SHROOM2: variants seen among roughly 807,000 people sequenced by gnomAD.
SHROOM2 encodes the protein protein Shroom2.
SHROOM2 carries 33 observed loss-of-function variants against 75.9 expected under a neutral mutation model. The observed-to-expected ratio is 0.43, with a 90% CI of 0.33 to 0.58. The LOEUF is 0.58. SHROOM2 is among the 20% of genes least tolerant of loss of function. The pLI, the probability that SHROOM2 is intolerant of heterozygous loss-of-function variation, is 0.04. For missense variants in SHROOM2, 1,434 were observed against 1,461.2 expected, an observed-to-expected ratio of 0.98 and a Z score of 0.30; for synonymous variants, 655 against 663.6, an observed-to-expected ratio of 0.99 and a Z score of 0.20.
At position 9,829,795 on chromosome X, in the gene SHROOM2, G is replaced by GC. The variant is rs764772762; in HGVS notation, c.165+43086dup. On this transcript the variant is annotated intron_variant, in intron 1 of 9. Transcript: ENST00000380913. Reference sequence around the variant, plus strand: ...GGTTGCGGCAGAGTGATCTGAACATGCTCATTACGACAGTCTAGTTGGGGT... The same window carrying GC: ...GGTTGCGGCAGAGTGATCTGAACATGCCTCATTACGACAGTCTAGTTGGGGT... 4.5e-5 allele frequency among the ~76,000 whole-genome samples: 5 copies of GC among 111,669 alleles called. No individual in the cohort carries two copies. In the East Asian group the frequency reaches 1.4e-3, roughly 31 times the overall value.
At chrX:9,887,835 A>G (rs1417832045) in intron 2 of SHROOM2, among the ~76,000 whole-genome samples, 1 of 113,039 alleles carries the variant, frequency 8.8e-6, no homozygotes, top group Admixed American at 9.3e-5. Context: ...CCTGCCATGC[A>G]GCTGAGATGG....
chrX:9,899,543 G>A (rs1021087682), intron 5 of SHROOM2, among the ~76,000 whole-genome samples: 2 of 112,013 alleles, frequency 1.8e-5, no homozygotes, highest in Admixed American at 1.9e-4. Context: ...ATGTAATGGG[G>A]TTTTATTTCA....
chrX:9,910,210 CAGA>C (rs1399550669), intron 5 of SHROOM2, among the ~76,000 whole-genome samples: 1 of 110,799 alleles, frequency 9.0e-6, no homozygotes, highest in Non-Finnish European at 1.9e-5. Flanking sequence ...GGTTCAAAGA[CAGA>C]AGGAGAACAT....
intron 1 of SHROOM2, among the ~76,000 whole-genome samples, chrX:9,833,214 C>T (rs968348161): frequency 1.1e-4 from 12 of 111,440 alleles, no homozygotes; most frequent in Non-Finnish European, 2.3e-4. Flanking sequence ...CATTCCGTAA[C>T]GGGAATCTGC....
chrX:9,945,999 G>A (rs1040007628), intron 9 of SHROOM2, among the ~76,000 whole-genome samples: 6 of 112,787 alleles, frequency 5.3e-5, no homozygotes, highest in African/African-American at 1.6e-4. Flanking sequence ...CACGCAGAAC[G>A]CTGTCCTGGC....
intron 1 of SHROOM2, among the ~76,000 whole-genome samples, chrX:9,866,084 A>ATTTTTT (rs773543500): frequency 2.5e-5 from 2 of 78,734 alleles, no homozygotes; most frequent in African/African-American, 5.2e-5. Context: ...GGGGCCAGGA[A>ATTTTTT]TTTTTTTTTT....
rs1384935336 is a variant in SHROOM2 at position 9,824,279 on chromosome X, C to CA, written c.165+37581dup. 2.1e-3 allele frequency among the ~76,000 whole-genome samples: 200 copies of CA among 94,370 alleles called. 2 individuals carry two copies. Among genetic ancestry groups the CA allele is most frequent in the South Asian group, 2.9e-3 (6 of 2,048 alleles). 81.9% of individuals were successfully genotyped at this position (94,370 alleles called of 115,157 possible). A position where few individuals can be genotyped will look rare whatever the true frequency, so the allele number is the denominator to read the frequency against. ...AGAAACCTCGCCTCTACTAAAAATA[C>CA]AAAAAAAAAAAAGCTGGGCGTGGTG... On this transcript the variant is annotated intron_variant, in intron 1 of 9. Transcript: ENST00000380913.
At chrX:9,902,338 C>T (rs1281653041) in intron 5 of SHROOM2, among the ~76,000 whole-genome samples, 1 of 107,763 alleles carries the variant, frequency 9.3e-6, no homozygotes, top group Non-Finnish European at 1.9e-5. Flanking sequence ...TACATGGGTG[C>T]ATGGATGGAT....
chrX:9,875,423 A>G (rs1228473540), intron 2 of SHROOM2, among the ~76,000 whole-genome samples: 1 of 111,306 alleles, frequency 9.0e-6, no homozygotes, highest in Non-Finnish European at 1.9e-5. Flanking sequence ...GGAGTTATAA[A>G]TTGGCTCTGG....
At chrX:9,934,030 C>G (rs2147056043) in intron 6 of SHROOM2, among the ~76,000 whole-genome samples, 1 of 111,496 alleles carries the variant, frequency 9.0e-6, no homozygotes, top group East Asian at 2.8e-4. Context: ...AGGGAGGCCA[C>G]TCAGGGTCTG....
At chrX:9,904,378 C>T (rs2084380444) in intron 5 of SHROOM2, among the ~76,000 whole-genome samples, 1 of 111,457 alleles carries the variant, frequency 9.0e-6, no homozygotes, top group African/African-American at 3.3e-5. Flanking sequence ...CAGTTGCTGC[C>T]CCATGGTTGG....
intron 8 of SHROOM2, among the ~76,000 whole-genome samples, chrX:9,943,971 C>T (rs776531199): frequency 9.1e-6 from 1 of 110,467 alleles, no homozygotes; most frequent in East Asian, 2.8e-4. Context: ...CACCTGAGGT[C>T]AGGAGTTCAA....
chrX:9,797,926 T>C (rs2083703869), intron 1 of SHROOM2, among the ~76,000 whole-genome samples: 1 of 112,260 alleles, frequency 8.9e-6, no homozygotes, highest in Admixed American at 9.5e-5. Context: ...CTGGGAGGGC[T>C]ACACATTGTC....
chrX:9,837,476 C>T lies in SHROOM2; in HGVS notation c.166-36176C>T, dbSNP rs147623901. ...AGAAGCATGTTCTCCATGTGGTTCTCCTGATGATGAAACGTGTGGTGTGCA... is the reference window on the plus strand; with the variant it reads ...AGAAGCATGTTCTCCATGTGGTTCTTCTGATGATGAAACGTGTGGTGTGCA... On this transcript the variant is annotated intron_variant, in intron 1 of 9. Transcript: ENST00000380913. Among the ~76,000 whole-genome samples, 810 of 112,409 alleles carry T rather than the reference C, an allele frequency of 7.2e-3. 5 individuals are homozygous for T. Among genetic ancestry groups the T allele is most frequent in the African/African-American group, 0.024 (754 of 30,963 alleles).
chrX:9,887,355 G>A (rs1199212327), intron 2 of SHROOM2, among the ~76,000 whole-genome samples: 4 of 112,417 alleles, frequency 3.6e-5, no homozygotes, highest in Admixed American at 9.4e-5. Flanking sequence ...ATTTTCAGAA[G>A]CAGATTTAAG....
intron 1 of SHROOM2, chrX:9,864,971 C>T (rs1387383073): frequency 1.8e-5 from 2 of 112,111 alleles, no homozygotes; most frequent in East Asian, 2.8e-4. Flanking sequence ...TGTGATCGCA[C>T]CACTGCACTC....
chrX:9,854,270 C>T (rs1002781870), intron 1 of SHROOM2, among the ~76,000 whole-genome samples: 5 of 112,489 alleles, frequency 4.4e-5, no homozygotes, highest in Middle Eastern at 4.6e-3. Context: ...CTGTGATTGC[C>T]AGTTTAGGAG....
At chrX:9,913,066 C>G (rs757962641) in intron 5 of SHROOM2, 2 of 112,534 alleles carry the variant, frequency 1.8e-5, no homozygotes, top group East Asian at 5.6e-4. Flanking sequence ...GGGACCCTTG[C>G]TCCATGTGAG....
chrX:9,890,626 C>T lies in SHROOM2; in HGVS notation c.318-351C>T, dbSNP rs1229794954. Among the ~76,000 whole-genome samples, 2 of 112,469 alleles carry T rather than the reference C, an allele frequency of 1.8e-5. 1 individual carries two copies. The highest frequency in any genetic ancestry group is 6.4e-5 in the African/African-American group (2 of 31,044). ...GCACTGTTTGGCTCGAGCGCGCACGCGCTGCTTGCGGTCCCCAAGCCCCCT... is the reference window on the plus strand; with the variant it reads ...GCACTGTTTGGCTCGAGCGCGCACGTGCTGCTTGCGGTCCCCAAGCCCCCT... On this transcript the variant is annotated intron_variant, in intron 2 of 9. Coordinates refer to ENST00000380913, the MANE Select transcript of SHROOM2 (RefSeq NM_001649.4).
Sources: gnomAD v4.1 joint callset for allele counts (sites outside exome capture counted in the v4.1 genomes callset) on GRCh38, gnomAD v4.1.1 for gene constraint, MANE v1.5 for transcripts, NCBI Gene and HGNC (gene_info 2026-07-23, HGNC 2026-07-21) for gene names.